Variants in CARMIL1 observed in about 807,000 individuals in gnomAD.
CARMIL1 encodes the protein F-actin-uncapping protein LRRC16A.
In CARMIL1, 90 loss-of-function variants were observed where a neutral mutation model predicts 177.1. That is an observed-to-expected ratio of 0.51 (90% CI 0.43 to 0.61). The LOEUF is 0.61. CARMIL1 is among the 20% of genes least tolerant of loss of function. CARMIL1 has a pLI of 0.00. For missense variants in CARMIL1, 1,380 were observed against 1,667.0 expected (o/e 0.83, Z 3.00); for synonymous variants, 577 against 606.2 (o/e 0.95, Z 0.71).
At chr6:25,302,720 G>C (rs139951632) in intron 2 of CARMIL1, among the ~76,000 whole-genome samples, 2 of 152,204 alleles carry the variant, frequency 1.3e-5, no homozygotes, top group Non-Finnish European at 2.9e-5. Flanking sequence ...TAACAGCGAT[G>C]CTGGGAGGGA....
intron 8 of CARMIL1, chr6:25,465,664 A>G: frequency 1.9e-6 from 1 of 521,064 alleles, no homozygotes; most frequent in Non-Finnish European, 3.4e-6. Flanking sequence ...GAAGTAGGAA[A>G]CAGAGTCCCT....
At chr6:25,314,337 G>A (rs1784093411) in intron 2 of CARMIL1, among the ~76,000 whole-genome samples, 1 of 148,012 alleles carries the variant, frequency 6.8e-6, no homozygotes, top group South Asian at 2.2e-4. Context: ...GCTGGGTGTG[G>A]TGGCACGTGC....
chr6:25,409,194 G>A (rs749621103), intron 2 of CARMIL1, among the ~76,000 whole-genome samples: 13 of 152,166 alleles, frequency 8.5e-5, no homozygotes, highest in Non-Finnish European at 1.8e-4. Flanking sequence ...CAAGCCACAT[G>A]CTGAAGATGA....
intron 13 of CARMIL1, among the ~76,000 whole-genome samples, chr6:25,491,500 G>A (rs923528757): frequency 3.3e-5 from 5 of 152,094 alleles, no homozygotes; most frequent in Admixed American, 3.3e-4. Flanking sequence ...ATGGGGGTTT[G>A]GTTTTCAATA....
intron 23 of CARMIL1, chr6:25,527,795 A>G (rs1807307053): frequency 9.2e-6 from 3 of 326,158 alleles, no homozygotes; most frequent in South Asian, 5.2e-5. Context: ...AATAGTTTCT[A>G]ATTGATATTA....
In CARMIL1 at chr6:25,587,002, CAGAG is replaced by C. The variant is rs992904657; in HGVS notation, c.3006+5564_3006+5567del. ...GAGAGGGAGAGGGAGACCGTGGAGA[CAGAG>C]GGAGAGGGAGAGGGAGAGGGAGACT... On this transcript the variant is annotated intron_variant, in intron 31 of 36. Coordinates refer to ENST00000329474, the MANE Select transcript of CARMIL1 (RefSeq NM_017640.6). 4.3e-5 allele frequency among the ~76,000 whole-genome samples: 5 copies of C among 116,250 alleles called. No individual in the cohort carries two copies. In the East Asian group the frequency reaches 8.1e-4, roughly 19 times the overall value. 76.3% of individuals were successfully genotyped at this position (116,250 alleles called of 152,430 possible). A position where few individuals can be genotyped will look rare whatever the true frequency, so the allele number is the denominator to read the frequency against.
intron 27 of CARMIL1, among the ~76,000 whole-genome samples, chr6:25,551,676 C>G (rs986257953): frequency 6.6e-6 from 1 of 152,182 alleles, no homozygotes; most frequent in Non-Finnish European, 1.5e-5. Flanking sequence ...TGTAGAGACT[C>G]TTGGTCCATC....
intron 11 of CARMIL1, among the ~76,000 whole-genome samples, chr6:25,479,676 T>G (rs910904116): frequency 7.9e-5 from 12 of 152,230 alleles, no homozygotes; most frequent in Admixed American, 6.5e-4. Context: ...TTTTTCTTAT[T>G]TTTTTTCCTT....
intron 23 of CARMIL1, among the ~76,000 whole-genome samples, chr6:25,521,710 A>G (rs1025577109): frequency 6.7e-6 from 1 of 149,828 alleles, no homozygotes; most frequent in Non-Finnish European, 1.5e-5. Context: ...CGGAGCTTGC[A>G]GTGAGCTGAG....
intron 29 of CARMIL1, among the ~76,000 whole-genome samples, chr6:25,567,370 A>G (rs951253418): frequency 6.6e-6 from 1 of 152,214 alleles, no homozygotes; most frequent in African/African-American, 2.4e-5. Flanking sequence ...TATGGTAGCA[A>G]ATCCATACCT....
intron 5 of CARMIL1, among the ~76,000 whole-genome samples, chr6:25,443,556 A>G (rs1424268889): frequency 6.6e-6 from 1 of 152,204 alleles, no homozygotes; most frequent in Non-Finnish European, 1.5e-5. Context: ...CCATTGCAAT[A>G]AAGTGAGTCA....
chr6:25,525,987 G>A (rs1017392785), intron 23 of CARMIL1, among the ~76,000 whole-genome samples: 37 of 151,978 alleles, frequency 2.4e-4, no homozygotes, highest in African/African-American at 8.0e-4. Flanking sequence ...ATAATTGACA[G>A]GTCAGAAAAT....
chr6:25,492,753 G>C (rs1283263507), intron 15 of CARMIL1, among the ~76,000 whole-genome samples: 5 of 152,034 alleles, frequency 3.3e-5, no homozygotes, highest in Non-Finnish European at 7.4e-5. Context: ...AGTTTTTAAA[G>C]GCCTTATATA....
chr6:25,482,436 C>T (rs1472100800), intron 12 of CARMIL1, 93 bp downstream of exon 12: 1 of 587,190 alleles, frequency 1.7e-6, no homozygotes, highest in Non-Finnish European at 2.9e-6. Flanking sequence ...TTTAAAAATA[C>T]ATTAAAAAAA....
intron 29 of CARMIL1, among the ~76,000 whole-genome samples, chr6:25,562,160 G>C (rs533826239): frequency 7.1e-4 from 108 of 152,076 alleles, no homozygotes; most frequent in African/African-American, 2.5e-3. Flanking sequence ...TCAAGACCCA[G>C]AGTTACTCTT....
At chr6:25,342,194 A>G (rs1787017940) in intron 2 of CARMIL1, among the ~76,000 whole-genome samples, 1 of 152,176 alleles carries the variant, frequency 6.6e-6, no homozygotes, top group Non-Finnish European at 1.5e-5. Flanking sequence ...TTCCTCTGAG[A>G]ATGTGATTTG....
At chr6:25,474,170 C>T (rs576522022) in intron 11 of CARMIL1, among the ~76,000 whole-genome samples, 66 of 151,308 alleles carry the variant, frequency 4.4e-4, no homozygotes, top group African/African-American at 1.3e-3. Flanking sequence ...TGCAGTGGCG[C>T]GATCTTGGCT....
At chr6:25,470,971 A>G (rs569691326) in intron 9 of CARMIL1, among the ~76,000 whole-genome samples, 198 bp from the exon 10 acceptor site, 1 of 152,298 alleles carries the variant, frequency 6.6e-6, no homozygotes, top group African/African-American at 2.4e-5. Flanking sequence ...ACACTCTTGA[A>G]GGCCGGGACT....
At chr6:25,462,782 C>A (rs1476484567) in intron 8 of CARMIL1, among the ~76,000 whole-genome samples, 2 of 152,170 alleles carry the variant, frequency 1.3e-5, no homozygotes, top group South Asian at 2.1e-4. Context: ...GCAAGTCTCT[C>A]GTCTTTCGTT....
Sources: allele counts gnomAD v4.1 joint callset (sites outside exome capture counted in the v4.1 genomes callset), GRCh38; gene constraint gnomAD v4.1.1; transcripts MANE v1.5; gene names NCBI Gene and HGNC (gene_info 2026-07-23, HGNC 2026-07-21).